DTD1: variants seen among roughly 807,000 people sequenced by gnomAD.
The protein encoded by DTD1 is D-tyrosyl-tRNA deacylase 1 homolog.
Under a neutral mutation model 25.6 loss-of-function variants are expected in DTD1, and 13 were observed. The observed-to-expected ratio is 0.51, with a 90% CI of 0.33 to 0.81. DTD1 has a LOEUF of 0.81. Among genes scored for constraint, DTD1 ranks in the 30% least tolerant of loss-of-function variants. The probability of loss-of-function intolerance (pLI) is 0.02; values close to 1 mark genes in which losing one functional copy is unlikely to be tolerated. For synonymous variants in DTD1, 110 were observed against 103.6 expected (o/e 1.06, Z -0.37); for missense variants, 193 against 266.4 (o/e 0.72, Z 1.92).
At chr20:18,735,651 A>G (rs1568685083) in intron 4 of DTD1, among the ~76,000 whole-genome samples, 1 of 152,238 alleles carries the variant, frequency 6.6e-6, no homozygotes, top group African/African-American at 2.4e-5. Context: ...ATTTCAAGTT[A>G]TGTGCATGGG....
intron 4 of DTD1, chr20:18,631,505 C>T: frequency 1.0e-6 from 1 of 985,506 alleles, no homozygotes. Context: ...TAAATATGCC[C>T]AAATGTCTCC....
chr20:18,687,230 G>A (rs955346093), intron 4 of DTD1, among the ~76,000 whole-genome samples: 1 of 152,218 alleles, frequency 6.6e-6, no homozygotes, highest in Non-Finnish European at 1.5e-5. Flanking sequence ...GAACTTCCAG[G>A]TTGGGTCCCA....
At chr20:18,742,273 T>C (rs1298404520) in intron 4 of DTD1, among the ~76,000 whole-genome samples, 1 of 152,172 alleles carries the variant, frequency 6.6e-6, no homozygotes, top group African/African-American at 2.4e-5. Flanking sequence ...GGTGAAGTGA[T>C]GTCTTCATTC....
chr20:18,702,094 A>C (rs2061107699), intron 4 of DTD1, among the ~76,000 whole-genome samples: 1 of 152,224 alleles, frequency 6.6e-6, no homozygotes, highest in Admixed American at 6.5e-5. Context: ...ATTCACTTCC[A>C]TTTTAGACAA....
intron 3 of DTD1, among the ~76,000 whole-genome samples, chr20:18,614,977 C>G (rs1186306746): frequency 6.6e-6 from 1 of 152,208 alleles, no homozygotes; most frequent in African/African-American, 2.4e-5. Flanking sequence ...CCCCACGTTG[C>G]TGGGCTCCTC....
chr20:18,697,758 C>G (rs1197936491), intron 4 of DTD1, among the ~76,000 whole-genome samples: 1 of 152,230 alleles, frequency 6.6e-6, no homozygotes, highest in Admixed American at 6.5e-5. Flanking sequence ...TATCTCGGCT[C>G]ACTGCAAGCT....
intron 1 of DTD1, among the ~76,000 whole-genome samples, chr20:18,591,636 T>A (rs2122237556): frequency 6.6e-6 from 1 of 152,302 alleles, no homozygotes; most frequent in Admixed American, 6.5e-5. Flanking sequence ...TTTTTCATGT[T>A]TCTCATATTT....
intron 3 of DTD1, among the ~76,000 whole-genome samples, chr20:18,612,033 GTTT>G (rs57848248): frequency 6.2e-5 from 6 of 96,678 alleles, no homozygotes; most frequent in Non-Finnish European, 7.7e-5. Context: ...TAATTTTTGT[GTTT>G]TTTTTTTTTT....
intron 4 of DTD1, among the ~76,000 whole-genome samples, chr20:18,681,009 C>T (rs564878049): frequency 1.3e-5 from 2 of 152,276 alleles, no homozygotes; most frequent in East Asian, 1.9e-4. Flanking sequence ...AATAGTTTTT[C>T]GCCAGTCCTT....
At chr20:18,629,782 C>G (rs893389116) in intron 4 of DTD1, among the ~76,000 whole-genome samples, 22 of 152,146 alleles carry the variant, frequency 1.4e-4, no homozygotes, top group African/African-American at 5.1e-4. Context: ...AGGAAACTTA[C>G]AATCATGGTG....
rs79685066 is a variant in DTD1, at chr20:18,631,512, C to T, written c.477+3279C>T. ...TTGGGTTTTAAATATGCCCAAATGTCTCCAATTGAGAAATGCTTCCATTTC... is the reference window on the plus strand; with the variant it reads ...TTGGGTTTTAAATATGCCCAAATGTTTCCAATTGAGAAATGCTTCCATTTC... On this transcript the variant is annotated intron_variant, in intron 4 of 5. Transcript: ENST00000377452. The T allele has an allele frequency of 5.2e-4, 511 of 985,524 alleles. 7 individuals carry two copies. In the African/African-American group the frequency reaches 8.5e-3, roughly 16 times the overall value. The allele number at this position is 985,524 out of a possible 1,614,324, so 61.0% of individuals were successfully genotyped here.
At position 18,731,120 on chromosome 20, in the gene DTD1, C is replaced by G. The variant is rs369827446; in HGVS notation, c.478-12980C>G. 2.6e-5 allele frequency among the ~76,000 whole-genome samples: 4 copies of G among 152,278 alleles called. No homozygotes were observed. The South Asian group carries it at 6.2e-4, about 24-fold the overall frequency. ...AAATTTCCCTGAGGGTCGATCCTTC[C>G]CTTATGTACTGAGCCTTTCGTTAGC... On this transcript the variant is annotated intron_variant, in intron 4 of 5. Coordinates refer to ENST00000377452, the MANE Select transcript of DTD1 (RefSeq NM_080820.6).
intron 4 of DTD1, among the ~76,000 whole-genome samples, chr20:18,702,112 A>G (rs953956062): frequency 3.3e-5 from 5 of 152,216 alleles, no homozygotes; most frequent in Admixed American, 2.0e-4. Context: ...CAAAGCGTCT[A>G]TTTGTACATC....
chr20:18,593,518 C>A (rs557237376), intron 1 of DTD1, among the ~76,000 whole-genome samples: 37 of 152,164 alleles, frequency 2.4e-4, no homozygotes, highest in Non-Finnish European at 2.6e-4. Context: ...TTTACAGCTC[C>A]CATTCATTCC....
intron 4 of DTD1, among the ~76,000 whole-genome samples, chr20:18,629,548 G>C (rs1298221494): frequency 2.0e-5 from 3 of 151,336 alleles, no homozygotes; most frequent in Admixed American, 2.0e-4. Flanking sequence ...GATCCACCTA[G>C]GGCCTCAGCC....
At chr20:18,660,245 G>C (rs922922700) in intron 4 of DTD1, among the ~76,000 whole-genome samples, 1 of 152,060 alleles carries the variant, frequency 6.6e-6, no homozygotes, top group African/African-American at 2.4e-5. Context: ...TTTGAGATAG[G>C]GTCTCGTTCT....
intron 4 of DTD1, chr20:18,630,616 C>T (rs1568652420): frequency 6.6e-6 from 1 of 152,234 alleles, no homozygotes; most frequent in Admixed American, 6.5e-5. Flanking sequence ...CCCGCCTCGG[C>T]CTCCCAAAGT....
intron 4 of DTD1, among the ~76,000 whole-genome samples, chr20:18,636,894 GCATCAAGC>G (rs1445202591): frequency 6.6e-6 from 1 of 152,190 alleles, no homozygotes; most frequent in Admixed American, 6.5e-5. Flanking sequence ...AGGACCACTG[GCATCAAGC>G]CACCCATGGT....
intron 3 of DTD1, among the ~76,000 whole-genome samples, chr20:18,601,075 G>A (rs140425314): frequency 4.3e-4 from 65 of 152,230 alleles, no homozygotes; most frequent in Admixed American, 1.1e-3. Flanking sequence ...CTTCCAGTCC[G>A]GTGTTGGAAA....
Sources: gnomAD v4.1 joint callset for allele counts (sites outside exome capture counted in the v4.1 genomes callset) on GRCh38, gnomAD v4.1.1 for gene constraint, MANE v1.5 for transcripts, NCBI Gene and HGNC (gene_info 2026-07-23, HGNC 2026-07-21) for gene names.